ERI3: variants seen among roughly 807,000 people sequenced by gnomAD.
ERI3 encodes the protein ERI1 exoribonuclease family member 3.
In ERI3, 18 loss-of-function variants were observed where a neutral mutation model predicts 44.4. The ratio of observed to expected loss-of-function variants is 0.41; its 90% CI spans 0.28 to 0.60. The LOEUF (loss-of-function observed/expected upper bound fraction) is 0.60, where lower values mean the gene tolerates loss of function less well. Ranked by LOEUF, ERI3 falls within the 20% of genes least tolerant of loss-of-function variation. The pLI is 0.36. For synonymous variants in ERI3, 183 were observed against 164.8 expected (o/e 1.11, Z -0.84); for missense variants, 294 against 435.5 (o/e 0.68, Z 2.89).
rs182511921 is a variant in ERI3 at position 44,229,748 on chromosome 1, G to A, written c.932-8108C>T. 5.8e-4 allele frequency among the ~76,000 whole-genome samples: 69 copies of A among 118,424 alleles called. 1 individual carries two copies. The highest frequency in any genetic ancestry group is 2.0e-3 in the African/African-American group (59 of 29,840). 77.7% of individuals were successfully genotyped at this position (118,424 alleles called of 152,430 possible). On this transcript the variant is annotated intron_variant, in intron 8 of 8. Coordinates refer to ENST00000372257, the MANE Select transcript of ERI3 (RefSeq NM_024066.3). ...CCTTCCAAGGCCTGGAAGCGGGAGCGGAGTTCTCAGGGGGTGCATACACCT... is the reference window on the plus strand; with the variant it reads ...CCTTCCAAGGCCTGGAAGCGGGAGCAGAGTTCTCAGGGGGTGCATACACCT...
At chr1:44,314,497 T>C (rs1249426143) in intron 4 of ERI3, among the ~76,000 whole-genome samples, 3 of 152,058 alleles carry the variant, frequency 2.0e-5, no homozygotes, top group Admixed American at 6.5e-5. Context: ...AAAAGGAAAA[T>C]AAATTAGAAA....
intron 8 of ERI3, among the ~76,000 whole-genome samples, chr1:44,238,307 C>T (rs1031845203): frequency 6.6e-6 from 1 of 151,868 alleles, no homozygotes; most frequent in African/African-American, 2.4e-5. Flanking sequence ...ATGAGGCAGC[C>T]GCGGGGCCAG....
chr1:44,332,912 C>T (rs947487246), intron 3 of ERI3, among the ~76,000 whole-genome samples: 3 of 151,374 alleles, frequency 2.0e-5, no homozygotes, highest in African/African-American at 7.4e-5. Flanking sequence ...CACCCCATTC[C>T]CACCATCACT....
intron 2 of ERI3, among the ~76,000 whole-genome samples, chr1:44,340,030 C>G (rs772672972): frequency 2.2e-4 from 34 of 151,718 alleles, no homozygotes; most frequent in Non-Finnish European, 4.0e-4. Context: ...GACTCGGTCT[C>G]TACTCGAGGC....
intron 7 of ERI3, among the ~76,000 whole-genome samples, chr1:44,250,578 C>T (rs1292927864): frequency 5.3e-5 from 8 of 152,300 alleles, no homozygotes; most frequent in Non-Finnish European, 2.9e-5. Flanking sequence ...AGATGCCTTT[C>T]AGGAAGGGCA....
chr1:44,294,127 G>A (rs953443326), intron 6 of ERI3, among the ~76,000 whole-genome samples: 2 of 152,222 alleles, frequency 1.3e-5, no homozygotes, highest in African/African-American at 4.8e-5. Context: ...TTTCCCTATA[G>A]TACAGATGAA....
intron 3 of ERI3, among the ~76,000 whole-genome samples, chr1:44,331,301 A>AT (rs112983929): frequency 2.6e-3 from 371 of 143,896 alleles, no homozygotes; most frequent in Middle Eastern, 0.011. Flanking sequence ...CAAATTCCCA[A>AT]TTTTTTTTTT....
chr1:44,304,208 A>C (rs754813566), intron 6 of ERI3, among the ~76,000 whole-genome samples: 1 of 152,118 alleles, frequency 6.6e-6, no homozygotes. Flanking sequence ...GATGAGCCCG[A>C]TTTCTTTTCT....
intron 3 of ERI3, among the ~76,000 whole-genome samples, chr1:44,331,253 C>T (rs1050253581): frequency 6.6e-6 from 1 of 152,132 alleles, no homozygotes; most frequent in African/African-American, 2.4e-5. Flanking sequence ...TCTAAACCTC[C>T]CTGGTCTATT....
intron 8 of ERI3, among the ~76,000 whole-genome samples, chr1:44,231,458 C>T (rs1423141203): frequency 6.6e-6 from 1 of 152,150 alleles, no homozygotes; most frequent in African/African-American, 2.4e-5. Context: ...ACCACAGTCT[C>T]GACCTCTTGG....
At chr1:44,309,481 C>A (rs765876151) in intron 5 of ERI3, among the ~76,000 whole-genome samples, 16 of 151,660 alleles carry the variant, frequency 1.1e-4, no homozygotes, top group Non-Finnish European at 1.6e-4. Context: ...GGTGACAGAG[C>A]GAGACTCTGT....
chr1:44,342,846 T>TATATA (rs1557867946), intron 2 of ERI3, among the ~76,000 whole-genome samples: 5 of 34,524 alleles, frequency 1.4e-4, no homozygotes, highest in African/African-American at 7.0e-4. Context: ...TATATATATA[T>TATATA]ATATATATAT....
chr1:44,245,116 G>A (rs1319689100), intron 8 of ERI3, among the ~76,000 whole-genome samples: 1 of 152,154 alleles, frequency 6.6e-6, no homozygotes, highest in East Asian at 1.9e-4. Flanking sequence ...AGCAGTCCAC[G>A]TCAAACTCTT....
intron 3 of ERI3, chr1:44,322,657 G>A (rs868493880): frequency 6.7e-7 from 1 of 1,484,552 alleles, no homozygotes; most frequent in Non-Finnish European, 9.0e-7. Context: ...GGATGCAAAA[G>A]AGAAGCTTCT....
At chr1:44,343,103 G>A (rs1238256320) in intron 2 of ERI3, among the ~76,000 whole-genome samples, 1 of 151,186 alleles carries the variant, frequency 6.6e-6, no homozygotes, top group Non-Finnish European at 1.5e-5. Flanking sequence ...AATACAAGAT[G>A]AGCGCATAAC....
At position 44,274,355 on chromosome 1, in the gene ERI3, G is replaced by C. The variant is rs1443647340; in HGVS notation, c.831+10480C>G. Reference sequence around the variant, plus strand: ...CAAAGTAACAGTGCCGATGCAGTGAGACATTTTAATATTCCAAAACCTGGT... The same window carrying C: ...CAAAGTAACAGTGCCGATGCAGTGACACATTTTAATATTCCAAAACCTGGT... On this transcript the variant is annotated intron_variant, in intron 7 of 8. Coordinates refer to ENST00000372257, the MANE Select transcript of ERI3 (RefSeq NM_024066.3). Among the ~76,000 whole-genome samples, 3 of 152,184 alleles carry C rather than the reference G, an allele frequency of 2.0e-5. No homozygotes were observed. The East Asian group carries it at 5.8e-4, about 29-fold the overall frequency.
At chr1:44,305,766 AG>A (rs1158860075) in intron 6 of ERI3, among the ~76,000 whole-genome samples, 1 of 152,224 alleles carries the variant, frequency 6.6e-6, no homozygotes, top group Non-Finnish European at 1.5e-5. Flanking sequence ...GGGGAGGAGG[AG>A]GTAAGGACAG....
intron 8 of ERI3, among the ~76,000 whole-genome samples, chr1:44,231,007 T>C (rs546850123): frequency 5.9e-5 from 9 of 152,368 alleles, no homozygotes; most frequent in South Asian, 2.1e-4. Flanking sequence ...TGTGCAATAT[T>C]TGCATATACA....
chr1:44,350,830 C>T (rs143657879), intron 2 of ERI3, among the ~76,000 whole-genome samples: 2 of 152,208 alleles, frequency 1.3e-5, no homozygotes, highest in Admixed American at 6.5e-5. Context: ...TTTCCTGCCT[C>T]AAGCCTCAGC....
Sources: gnomAD v4.1 joint callset for allele counts (sites outside exome capture counted in the v4.1 genomes callset) on GRCh38, gnomAD v4.1.1 for gene constraint, MANE v1.5 for transcripts, NCBI Gene and HGNC (gene_info 2026-07-23, HGNC 2026-07-21) for gene names.